ZNF230: variants seen among roughly 807,000 people sequenced by gnomAD.
ZNF230 encodes the protein zinc finger protein FDZF2.
Under a neutral mutation model 10.0 loss-of-function variants are expected in ZNF230, and 12 were observed. That is an observed-to-expected ratio of 1.20 (90% CI 0.77 to 1.95). The LOEUF (loss-of-function observed/expected upper bound fraction) is 1.95. ZNF230 is among the 30% of genes most tolerant of loss of function. ZNF230 has a pLI of 0.00. For synonymous variants in ZNF230, 174 were observed against 193.6 expected (o/e 0.90, Z 0.84); for missense variants, 532 against 565.8 (o/e 0.94, Z 0.61).
intron 2 of ZNF230, among the ~76,000 whole-genome samples, chr19:44,007,906 C>G (rs1037787394): frequency 6.6e-6 from 1 of 152,218 alleles, no homozygotes; most frequent in Non-Finnish European, 1.5e-5. Flanking sequence ...TTCCATGGAA[C>G]AGGTTCACTA....
intron 4 of ZNF230, among the ~76,000 whole-genome samples, chr19:44,009,811 C>T (rs1213726629): frequency 6.6e-6 from 1 of 152,222 alleles, no homozygotes; most frequent in African/African-American, 2.4e-5. Flanking sequence ...GAGATTACCT[C>T]TCAGATGCTG....
chr19:44,006,205 T>C (rs565826244), intron 1 of ZNF230, among the ~76,000 whole-genome samples: 1 of 152,320 alleles, frequency 6.6e-6, no homozygotes, highest in East Asian at 1.9e-4. Flanking sequence ...TCACATGATG[T>C]GGTTTGTCCC....
rs1976186075 is a variant in ZNF230, at chr19:44,011,685, C to G, written c.*221C>G. 1 of 480,552 alleles carries G rather than the reference C, an allele frequency of 2.1e-6. No homozygotes were observed. Among genetic ancestry groups the G allele is most frequent in the East Asian group, 4.1e-5 (1 of 24,292 alleles). 29.8% of individuals were successfully genotyped at this position (480,552 alleles called of 1,614,324 possible). On this transcript the variant is annotated 3_prime_UTR_variant, in exon 5 of 5. Coordinates refer to ENST00000429154, the MANE Select transcript of ZNF230 (RefSeq NM_006300.4). Reference sequence around the variant, plus strand: ...GAACACTAGAATGTATTTCTCCTATCTAGCAGTACTTATGTATCTTGTTAC... The same window carrying G: ...GAACACTAGAATGTATTTCTCCTATGTAGCAGTACTTATGTATCTTGTTAC...
At chr19:44,003,154 T>C (rs571561599) in intron 1 of ZNF230, 47 bp downstream of exon 1, 1 of 152,140 alleles carries the variant, frequency 6.6e-6, no homozygotes, top group East Asian at 2.0e-4. Context: ...CCACGGAAGC[T>C]TTCTGGGATG....
In ZNF230 at chr19:44,011,686, T is replaced by C. The variant is rs182671610; in HGVS notation, c.*222T>C. 9.7e-4 allele frequency: 458 copies of C among 472,268 alleles called. 2 individuals carry two copies. The highest frequency in any genetic ancestry group is 1.6e-3 in the Non-Finnish European group (421 of 270,478). 29.3% of individuals were successfully genotyped at this position (472,268 alleles called of 1,614,324 possible). A position where few individuals can be genotyped will look rare whatever the true frequency, so the allele number is the denominator to read the frequency against. On this transcript the variant is annotated 3_prime_UTR_variant, in exon 5 of 5. Transcript: ENST00000429154. ...AACACTAGAATGTATTTCTCCTATC[T>C]AGCAGTACTTATGTATCTTGTTACC...
intron 2 of ZNF230, among the ~76,000 whole-genome samples, chr19:44,007,580 C>A (rs2147423996): frequency 6.6e-6 from 1 of 152,270 alleles, no homozygotes; most frequent in South Asian, 2.1e-4. Context: ...CCCTCTGACC[C>A]ACTTCACCCA....
intron 1 of ZNF230, chr19:44,004,842 G>A (rs1568496441): frequency 1.3e-5 from 2 of 151,478 alleles, no homozygotes; most frequent in Non-Finnish European, 2.9e-5. Flanking sequence ...TTTTTGCTGG[G>A]CGCGGTGGCT....
In ZNF230 at chr19:44,007,020, C is replaced by A; in HGVS notation, c.-59C>A. 6.8e-7 allele frequency: 1 copy of A among 1,469,420 alleles called. No homozygotes were observed. The highest frequency in any genetic ancestry group is 9.4e-7 in the Non-Finnish European group (1 of 1,058,946). The allele number at this position is 1,469,420 out of a possible 1,614,324, so 91.0% of individuals were successfully genotyped here. A position where few individuals can be genotyped will look rare whatever the true frequency, so the allele number is the denominator to read the frequency against. On this transcript the variant is annotated 5_prime_UTR_variant, in exon 2 of 5. Transcript: ENST00000429154. ...CTCTGGCATTTTCCAGGCACAATTC[C>A]ACCTTCCTTTGTGCTCCATTACTCA...
Position 44,011,367 on chromosome 19 carries a change from A to G in ZNF230, c.1328A>G (p.Asn443Ser). 2 of 1,614,068 alleles carry G rather than the reference A, an allele frequency of 1.2e-6. No individual in the cohort carries two copies. The highest frequency in any genetic ancestry group is 1.1e-5 in the South Asian group (1 of 91,064). Residue 443 changes from asparagine to serine, a missense_variant, in exon 5 of 5, where the codon AAT becomes AGT. By Grantham distance (46) the Asn-to-Ser change is conservative. Coordinates refer to ENST00000429154, the MANE Select transcript of ZNF230 (RefSeq NM_006300.4). Reference sequence around the variant, plus strand: ...TGTAAAGACCAACAAGGAGACCACAATGGAGAAAACTCATCCAAATGTGAG... The same window carrying G: ...TGTAAAGACCAACAAGGAGACCACAGTGGAGAAAACTCATCCAAATGTGAG... The part of the protein sequence containing the change: ...SFCKDQQGDH[N>S]GENSSKCEDC...
At position 44,012,363 on chromosome 19, in the gene ZNF230, T is replaced by C; in HGVS notation, c.*899T>C. 2 of 518,082 alleles carry C rather than the reference T, an allele frequency of 3.9e-6. No individual in the cohort carries two copies. Among genetic ancestry groups the C allele is most frequent in the Non-Finnish European group, 7.7e-6 (2 of 259,430 alleles). 32.1% of individuals were successfully genotyped at this position (518,082 alleles called of 1,614,324 possible). ...GTAAGCACTTCAGTGTGTGTTTATA[T>C]CATAATTTATCACAGTCCATACTGA... On this transcript the variant is annotated 3_prime_UTR_variant, in exon 5 of 5. Transcript: ENST00000429154.
Position 44,009,100 on chromosome 19 carries a change from C to T in ZNF230, c.159C>T (p.His53=). ...NLLSVGHQPF[H]PFHFLREEKF... ...TGTTCACAGGGCATCAACCATTCCA[C>T]CCTTTCCACTTCCTAAGGGAAGAAA... The change falls in exon 4 of 5, where the codon CAC becomes CAT. Residue 53 remains histidine, a synonymous_variant. Coordinates refer to ENST00000429154, the MANE Select transcript of ZNF230 (RefSeq NM_006300.4). 1 of 1,614,190 alleles carries T rather than the reference C, an allele frequency of 6.2e-7. No individual in the cohort carries two copies. The highest frequency in any genetic ancestry group is 8.5e-7 in the Non-Finnish European group (1 of 1,180,028).
Position 44,011,979 on chromosome 19 carries a change from T to G in ZNF230, c.*515T>G. 5.4e-6 allele frequency: 1 copy of G among 184,854 alleles called. No individual in the cohort carries two copies. Among genetic ancestry groups the G allele is most frequent in the South Asian group, 1.1e-4 (1 of 9,302 alleles). 11.5% of individuals were successfully genotyped at this position (184,854 alleles called of 1,614,324 possible). ...CACCTTTTCTTCATTTATCTATTGA[T>G]GGACACATAGGTGGGTTCCATATCT... On this transcript the variant is annotated 3_prime_UTR_variant, in exon 5 of 5. Transcript: ENST00000429154.
intron 1 of ZNF230, chr19:44,006,665 C>T (rs1285917001): frequency 6.5e-6 from 1 of 154,880 alleles, no homozygotes; most frequent in Admixed American, 6.5e-5. Context: ...ACCTACTTTT[C>T]CTCTATGTAT....
At position 44,007,090 on chromosome 19, in the gene ZNF230, C is replaced by A; in HGVS notation, c.12C>A (p.Phe4Leu). The change falls in exon 2 of 5, where the codon TTC (phenylalanine) becomes TTA (leucine). Residue 4 changes from phenylalanine to leucine, a missense_variant. By Grantham distance (22) the Phe-to-Leu change is conservative. Coordinates refer to ENST00000429154, the MANE Select transcript of ZNF230 (RefSeq NM_006300.4). MTT[F>L]KEAVTFKDVA... The stretch of plus-strand genomic sequence containing the variant: ...AAGTAGTAGGAAAAATGACCACATT[C>A]AAGGTGAGTAGAGCTCACCTCTCTT... 1 of 1,605,904 alleles carries A rather than the reference C, an allele frequency of 6.2e-7. No homozygotes were observed. The highest frequency in any genetic ancestry group is 8.5e-7 in the Non-Finnish European group (1 of 1,173,258).
rs961000799 is a variant in ZNF230, at chr19:44,012,358, T to A, written c.*894T>A. The A allele has an allele frequency of 3.9e-6, 2 of 517,680 alleles. No individual in the cohort carries two copies. The highest frequency in any genetic ancestry group is 3.8e-5 in the African/African-American group (2 of 51,956). The allele number at this position is 517,680 out of a possible 1,614,324, so 32.1% of individuals were successfully genotyped here. On this transcript the variant is annotated 3_prime_UTR_variant, in exon 5 of 5. Transcript: ENST00000429154. ...ATATGGTAAGCACTTCAGTGTGTGT[T>A]TATATCATAATTTATCACAGTCCAT...
In ZNF230 at chr19:44,010,745, A is replaced by G; in HGVS notation, c.706A>G (p.Arg236Gly). 6.2e-7 allele frequency: 1 copy of G among 1,614,244 alleles called. No individual in the cohort carries two copies. Among genetic ancestry groups the G allele is most frequent in the Non-Finnish European group, 8.5e-7 (1 of 1,180,038 alleles). Residue 236 changes from arginine to glycine, a missense_variant, in exon 5 of 5, where the codon AGA (arginine) becomes GGA (glycine). By Grantham distance (125) the Arg-to-Gly change is moderately radical. Coordinates refer to ENST00000429154, the MANE Select transcript of ZNF230 (RefSeq NM_006300.4). ...CEQCGKGFRC[R>G]AILQVHCKLH... ...GCAATGTGGGAAAGGCTTCAGATGT[A>G]GAGCGATACTTCAAGTTCACTGCAA...
chr19:44,009,428 T>A (rs10423020), intron 4 of ZNF230: 12,904 of 549,368 alleles, frequency 0.023, 1,324 homozygotes, highest in African/African-American at 0.22. Flanking sequence ...GGTTTATTAA[T>A]GTTATTAAAG....
Position 44,009,175 on chromosome 19 carries a change from G to A in ZNF230, c.229+5G>A, listed in dbSNP as rs1976150410. The A allele has an allele frequency of 6.2e-7, 1 of 1,613,974 alleles. No individual in the cohort carries two copies. The highest frequency in any genetic ancestry group is 8.5e-7 in the Non-Finnish European group (1 of 1,179,852). On this transcript the variant is annotated splice_donor_5th_base_variant and intron_variant, in intron 4 of 4. Coordinates refer to ENST00000429154, the MANE Select transcript of ZNF230 (RefSeq NM_006300.4). ...CCCAAAGAGAAGGAAATTCAGGTAA[G>A]AAGCAAGCAACTGTGTGTCCTTGTA...
At chr19:44,007,166 C>A in intron 2 of ZNF230, 73 bp downstream of exon 2, 1 of 1,471,162 alleles carries the variant, frequency 6.8e-7, no homozygotes, top group Non-Finnish European at 9.3e-7. Context: ...TTTTCTCTGT[C>A]TTGGGAAGAC....
Sources: allele counts gnomAD v4.1 joint callset (sites outside exome capture counted in the v4.1 genomes callset), GRCh38; gene constraint gnomAD v4.1.1; transcripts MANE v1.5; gene names NCBI Gene and HGNC (gene_info 2026-07-23, HGNC 2026-07-21).